GPC5: variants seen among roughly 807,000 people sequenced by gnomAD.
GPC5 encodes glypican-5.
In GPC5, 47 loss-of-function variants were observed where a neutral mutation model predicts 53.9. The ratio of observed to expected loss-of-function variants is 0.87; its 90% CI spans 0.69 to 1.11. The LOEUF is 1.11. GPC5 is among the 50% of genes most tolerant of loss of function. GPC5 has a pLI of 0.00. For synonymous variants in GPC5, 286 were observed against 263.3 expected (o/e 1.09, Z -0.84); for missense variants, 748 against 713.1 (o/e 1.05, Z -0.56).
chr13:92,026,772 T>C (rs1379155752), intron 6 of GPC5, among the ~76,000 whole-genome samples: 1 of 152,130 alleles, frequency 6.6e-6, no homozygotes, highest in Non-Finnish European at 1.5e-5. Flanking sequence ...GGTGGCTAGA[T>C]ATATATAGCT....
intron 6 of GPC5, among the ~76,000 whole-genome samples, chr13:92,090,712 A>G (rs1316042750): frequency 6.6e-6 from 1 of 152,208 alleles, no homozygotes; most frequent in Non-Finnish European, 1.5e-5. Flanking sequence ...AGTCTACGAC[A>G]ATTAGAAAAT....
At chr13:91,723,305 TTACATTTTATA>T (rs2036512689) in intron 3 of GPC5, among the ~76,000 whole-genome samples, 1 of 152,136 alleles carries the variant, frequency 6.6e-6, no homozygotes, top group African/African-American at 2.4e-5. Context: ...CTTCTGCCAT[TTACATTTTATA>T]TACATTTTAT....
intron 7 of GPC5, among the ~76,000 whole-genome samples, chr13:92,449,791 C>CA (rs1028969471): frequency 8.8e-6 from 1 of 113,190 alleles, no homozygotes; most frequent in Non-Finnish European, 2.0e-5. Context: ...ATTGAAAAAA[C>CA]AAAAAATTAT....
At chr13:91,851,443 C>T (rs2038911867) in intron 5 of GPC5, among the ~76,000 whole-genome samples, 1 of 152,100 alleles carries the variant, frequency 6.6e-6, no homozygotes, top group Non-Finnish European at 1.5e-5. Flanking sequence ...CTGTACACTA[C>T]TGTAGACTTT....
intron 7 of GPC5, among the ~76,000 whole-genome samples, chr13:92,524,392 T>C (rs776580936): frequency 2.6e-5 from 4 of 152,076 alleles, no homozygotes; most frequent in Non-Finnish European, 5.9e-5. Context: ...TCCTGCATTG[T>C]ATAGGGAGTA....
In GPC5 at chr13:92,866,583, A is replaced by C. The variant is rs1032773372; in HGVS notation, c.*144A>C. Reference sequence around the variant, plus strand: ...CACTAACTTCTCAGAAGCCAAGCTGAAATATTCATAAAGTCCCTAAAACTC... The same window carrying C: ...CACTAACTTCTCAGAAGCCAAGCTGCAATATTCATAAAGTCCCTAAAACTC... On this transcript the variant is annotated 3_prime_UTR_variant, in exon 8 of 8. Transcript: ENST00000377067. 1 of 604,834 alleles carries C rather than the reference A, an allele frequency of 1.7e-6. No individual in the cohort carries two copies. Among genetic ancestry groups the C allele is most frequent in the Non-Finnish European group, 2.6e-6 (1 of 380,734 alleles). 37.5% of individuals were successfully genotyped at this position (604,834 alleles called of 1,614,324 possible).
chr13:92,233,932 G>A (rs2042550498), intron 7 of GPC5, among the ~76,000 whole-genome samples: 1 of 152,036 alleles, frequency 6.6e-6, no homozygotes, highest in African/African-American at 2.4e-5. Context: ...CCTTGCGATA[G>A]TTTGCTGAGA....
chr13:91,803,741 C>T (rs2038172426), intron 5 of GPC5, among the ~76,000 whole-genome samples: 1 of 150,774 alleles, frequency 6.6e-6, no homozygotes. Context: ...CTCTGGTAGA[C>T]ATTCTAGAAA....
intron 1 of GPC5, among the ~76,000 whole-genome samples, chr13:91,438,705 T>G (rs1196983046): frequency 2.0e-5 from 3 of 152,230 alleles, no homozygotes; most frequent in Non-Finnish European, 4.4e-5. Flanking sequence ...CAGGGACATT[T>G]AAGTCTGCAG....
intron 5 of GPC5, among the ~76,000 whole-genome samples, chr13:91,768,460 ACT>A (rs1380813260): frequency 6.6e-6 from 1 of 152,182 alleles, no homozygotes; most frequent in East Asian, 1.9e-4. Flanking sequence ...TAAAGATCAA[ACT>A]CTGAAAGTAG....
intron 7 of GPC5, among the ~76,000 whole-genome samples, chr13:92,394,208 A>T (rs1875153129): frequency 6.6e-6 from 1 of 152,182 alleles, no homozygotes; most frequent in African/African-American, 2.4e-5. Flanking sequence ...TATTATACTT[A>T]TCTACATATG....
At chr13:91,692,483 G>A (rs1410027497) in intron 2 of GPC5, among the ~76,000 whole-genome samples, 2 of 152,066 alleles carry the variant, frequency 1.3e-5, no homozygotes, top group Non-Finnish European at 2.9e-5. Context: ...TAAAAATATA[G>A]CAGGTGGTGA....
chr13:92,619,339 C>A (rs1884797513), intron 7 of GPC5, among the ~76,000 whole-genome samples: 1 of 151,874 alleles, frequency 6.6e-6, no homozygotes, highest in African/African-American at 2.4e-5. Flanking sequence ...ATATTGCATG[C>A]ACTGAAATGC....
At chr13:92,750,383 C>T (rs764762715) in intron 7 of GPC5, among the ~76,000 whole-genome samples, 13 of 151,412 alleles carry the variant, frequency 8.6e-5, no homozygotes, top group African/African-American at 3.2e-4. Flanking sequence ...TTCTGTTTTC[C>T]GTTTTGGGGT....
At chr13:92,442,759 G>T (rs184503846) in intron 7 of GPC5, among the ~76,000 whole-genome samples, 253 of 152,242 alleles carry the variant, frequency 1.7e-3, no homozygotes, top group African/African-American at 5.8e-3. Context: ...CAACTGCATA[G>T]GGGTTCGTGC....
chr13:92,566,528 G>A (rs367741898), intron 7 of GPC5, among the ~76,000 whole-genome samples: 6 of 152,064 alleles, frequency 3.9e-5, no homozygotes, highest in Middle Eastern at 3.2e-3. Flanking sequence ...AGTATTGATC[G>A]TGGCCCTTGA....
intron 7 of GPC5, among the ~76,000 whole-genome samples, chr13:92,803,826 T>C (rs950655851): frequency 1.3e-5 from 2 of 151,978 alleles, no homozygotes; most frequent in African/African-American, 4.8e-5. Flanking sequence ...GTATTGTTTC[T>C]CTTTACAATG....
intron 6 of GPC5, among the ~76,000 whole-genome samples, chr13:92,043,395 G>T (rs1371938914): frequency 6.6e-6 from 1 of 152,118 alleles, no homozygotes; most frequent in African/African-American, 2.4e-5. Context: ...TGCCAAGCAA[G>T]CAGGAAAATG....
intron 2 of GPC5, among the ~76,000 whole-genome samples, chr13:91,658,356 A>T (rs984009383): frequency 6.6e-6 from 1 of 150,954 alleles, no homozygotes; most frequent in African/African-American, 2.5e-5. Flanking sequence ...TCTTGTTTTC[A>T]AATTGGATTG....
Sources: gnomAD v4.1 joint callset for allele counts (sites outside exome capture counted in the v4.1 genomes callset) on GRCh38, gnomAD v4.1.1 for gene constraint, MANE v1.5 for transcripts, NCBI Gene and HGNC (gene_info 2026-07-23, HGNC 2026-07-21) for gene names.